CFAP299: variants seen among roughly 807,000 people sequenced by gnomAD.
CFAP299 encodes cilia- and flagella-associated protein 299.
In CFAP299, 21 loss-of-function variants were observed where a neutral mutation model predicts 27.0. The ratio of observed to expected loss-of-function variants is 0.78; its 90% CI spans 0.55 to 1.12. The LOEUF (loss-of-function observed/expected upper bound fraction) is 1.12, where lower values mean the gene tolerates loss of function less well. Among genes scored for constraint, CFAP299 ranks in the 50% most tolerant of loss-of-function variants. CFAP299 has a pLI of 0.00. For synonymous variants in CFAP299, 104 were observed against 98.1 expected (o/e 1.06, Z -0.36); for missense variants, 310 against 276.6 (o/e 1.12, Z -0.86).
chr4:80,449,815 G>A (rs185294756), intron 2 of CFAP299, among the ~76,000 whole-genome samples: 170 of 151,780 alleles, frequency 1.1e-3, no homozygotes, highest in African/African-American at 3.8e-3. Context: ...ATCTCCTTAA[G>A]TACTTTATGT....
intron 2 of CFAP299, among the ~76,000 whole-genome samples, chr4:80,431,956 A>G (rs1384197371): frequency 1.3e-5 from 2 of 152,294 alleles, no homozygotes; most frequent in South Asian, 2.1e-4. Context: ...TCTCTATGCC[A>G]ATTCATTGTC....
At chr4:80,418,063 A>G (rs905502039) in intron 2 of CFAP299, among the ~76,000 whole-genome samples, 2 of 152,246 alleles carry the variant, frequency 1.3e-5, no homozygotes, top group African/African-American at 4.8e-5. Context: ...TTATAGCAGC[A>G]TAAGTGGACA....
rs368210755 is a variant in CFAP299 at position 80,935,047 on chromosome 4, G to A, written c.477-9763G>A. 4.5e-3 allele frequency among the ~76,000 whole-genome samples: 681 copies of A among 151,786 alleles called. 2 individuals are homozygous for A. The highest frequency in any genetic ancestry group is 0.014 in the Middle Eastern group (4 of 292). On this transcript the variant is annotated intron_variant, in intron 4 of 5. Transcript: ENST00000358105. ...CTTAAAAGTGCTTTTTCTGAATCTC[G>A]TAAGTTTTGGTATAGCATGTTTCCA...
chr4:80,553,498 T>C (rs1480636121), intron 2 of CFAP299, among the ~76,000 whole-genome samples: 1 of 152,198 alleles, frequency 6.6e-6, no homozygotes, highest in Non-Finnish European at 1.5e-5. Flanking sequence ...GGTAGAATGA[T>C]TTATATTCCT....
chr4:80,951,256 A>T (rs1328884302), intron 5 of CFAP299, among the ~76,000 whole-genome samples: 2 of 152,186 alleles, frequency 1.3e-5, no homozygotes, highest in Admixed American at 6.5e-5. Context: ...TTTCTATTGG[A>T]TGTAGGACAT....
Position 80,870,014 on chromosome 4 carries a change from A to G in CFAP299, c.355A>G (p.Arg119Gly), listed in dbSNP as rs1211551306. Residue 119 changes from arginine (R) to glycine (G), a missense_variant, in exon 4 of 6, where the codon AGA (arginine) becomes GGA (glycine). Arg to Gly is a moderately radical substitution (Grantham distance 125). Coordinates refer to ENST00000358105, the MANE Select transcript of CFAP299 (RefSeq NM_152770.3). ...KLSSVIFIRD[R>G]NSHGQEISGY... is the part of the protein sequence containing the mutation. ...CCAGTCCGTGATCTTTATTCGTGAC[A>G]GAAATTCTCATGGGCAAGAGATATC... 2 of 1,611,962 alleles carry G rather than the reference A, an allele frequency of 1.2e-6. No homozygotes were observed. The highest frequency in any genetic ancestry group is 1.7e-6 in the Non-Finnish European group (2 of 1,179,120).
At chr4:80,380,967 C>A (rs1429374421) in intron 2 of CFAP299, among the ~76,000 whole-genome samples, 1 of 151,712 alleles carries the variant, frequency 6.6e-6, no homozygotes, top group Non-Finnish European at 1.5e-5. Flanking sequence ...ATTGTTTTAC[C>A]ATTTCCTTTT....
intron 3 of CFAP299, among the ~76,000 whole-genome samples, chr4:80,772,610 T>C (rs1453698710): frequency 6.6e-6 from 1 of 152,078 alleles, no homozygotes; most frequent in Non-Finnish European, 1.5e-5. Flanking sequence ...ATTTGTTACA[T>C]AGGTAAACAT....
At chr4:80,401,105 C>T (rs1465582100) in intron 2 of CFAP299, among the ~76,000 whole-genome samples, 1 of 152,056 alleles carries the variant, frequency 6.6e-6, no homozygotes, top group Non-Finnish European at 1.5e-5. Context: ...TACTTGGGTA[C>T]TATTAAAGGC....
At chr4:80,916,723 G>T (rs1457560024) in intron 4 of CFAP299, among the ~76,000 whole-genome samples, 1 of 151,964 alleles carries the variant, frequency 6.6e-6, no homozygotes, top group Non-Finnish European at 1.5e-5. Context: ...AACAATTATT[G>T]CAGGGATTAT....
chr4:80,521,755 C>G (rs190343627), intron 2 of CFAP299, among the ~76,000 whole-genome samples: 1 of 151,876 alleles, frequency 6.6e-6, no homozygotes, highest in East Asian at 1.9e-4. Flanking sequence ...AAAATATCCA[C>G]AAGGTTCATC....
chr4:80,864,432 A>G (rs531510244), intron 3 of CFAP299, among the ~76,000 whole-genome samples: 2,169 of 118,944 alleles, frequency 0.018, 52 homozygotes, highest in African/African-American at 0.074. Context: ...ATATATAGGT[A>G]TATATATATA....
At chr4:80,866,424 G>T (rs770118075) in intron 3 of CFAP299, among the ~76,000 whole-genome samples, 1 of 152,044 alleles carries the variant, frequency 6.6e-6, no homozygotes, top group African/African-American at 2.4e-5. Context: ...CAGGCAGGGA[G>T]TCTCTGTTGC....
chr4:80,767,133 T>A (rs1560740956), intron 3 of CFAP299, among the ~76,000 whole-genome samples: 1 of 152,054 alleles, frequency 6.6e-6, no homozygotes, highest in East Asian at 1.9e-4. Context: ...AATACATACA[T>A]TGTATGTATT....
At chr4:80,813,632 A>G (rs1019896950) in intron 3 of CFAP299, among the ~76,000 whole-genome samples, 1 of 152,020 alleles carries the variant, frequency 6.6e-6, no homozygotes, top group Non-Finnish European at 1.5e-5. Context: ...GAACATGAAG[A>G]CTGATTCAAT....
intron 3 of CFAP299, among the ~76,000 whole-genome samples, chr4:80,765,315 T>A (rs1725794487): frequency 6.6e-6 from 1 of 152,178 alleles, no homozygotes; most frequent in South Asian, 2.1e-4. Context: ...AGGAAGTTGG[T>A]CTTTATTCAG....
intron 3 of CFAP299, among the ~76,000 whole-genome samples, chr4:80,782,759 T>A (rs917371447): frequency 1.4e-5 from 2 of 145,304 alleles, no homozygotes; most frequent in Non-Finnish European, 3.0e-5. Flanking sequence ...CATATATGAA[T>A]ATATAATATA....
chr4:80,813,068 C>G (rs1292505314), intron 3 of CFAP299, among the ~76,000 whole-genome samples: 1 of 151,966 alleles, frequency 6.6e-6, no homozygotes, highest in Non-Finnish European at 1.5e-5. Flanking sequence ...TAGCTGAACA[C>G]TTTGTAATAG....
chr4:80,690,329 T>G (rs1224834290), intron 3 of CFAP299, among the ~76,000 whole-genome samples: 1 of 151,490 alleles, frequency 6.6e-6, no homozygotes, highest in Non-Finnish European at 1.5e-5. Context: ...AGAACAGAAA[T>G]TATAACAAAC....
Sources: gnomAD v4.1 joint callset for allele counts (sites outside exome capture counted in the v4.1 genomes callset) on GRCh38, gnomAD v4.1.1 for gene constraint, MANE v1.5 for transcripts, NCBI Gene and HGNC (gene_info 2026-07-23, HGNC 2026-07-21) for gene names.